Variants in HIBADH observed in about 807,000 individuals in gnomAD.
The protein encoded by HIBADH is 3-hydroxyisobutyrate dehydrogenase.
A neutral mutation model predicts 36.1 loss-of-function variants in HIBADH; 25 were observed. The ratio of observed to expected loss-of-function variants is 0.69; its 90% CI spans 0.50 to 0.97. The LOEUF (loss-of-function observed/expected upper bound fraction) is 0.97. Ranked by LOEUF, HIBADH falls within the 50% of genes least tolerant of loss-of-function variation. The pLI is 0.00. For synonymous variants in HIBADH, 160 were observed against 149.5 expected (o/e 1.07, Z -0.51); for missense variants, 421 against 418.0 (o/e 1.01, Z -0.06).
chr7:27,560,787 CAT>C (rs1784452815), intron 4 of HIBADH, among the ~76,000 whole-genome samples: 1 of 152,166 alleles, frequency 6.6e-6, no homozygotes, highest in African/African-American at 2.4e-5. Flanking sequence ...CTGCTATGAA[CAT>C]ATGTGCTTTC....
chr7:27,645,631 C>T (rs765926931), intron 2 of HIBADH, among the ~76,000 whole-genome samples: 4 of 152,002 alleles, frequency 2.6e-5, no homozygotes, highest in Admixed American at 6.5e-5. Context: ...ATCCACCTGC[C>T]TCGGCCTCCC....
At chr7:27,618,765 T>A (rs1785480794) in intron 4 of HIBADH, among the ~76,000 whole-genome samples, 1 of 152,172 alleles carries the variant, frequency 6.6e-6, no homozygotes, top group African/African-American at 2.4e-5. Context: ...AGCTTTTGGA[T>A]AACCCTCAGG....
At chr7:27,609,279 T>A (rs1410781798) in intron 4 of HIBADH, among the ~76,000 whole-genome samples, 2 of 152,160 alleles carry the variant, frequency 1.3e-5, no homozygotes, top group African/African-American at 4.8e-5. Flanking sequence ...TGTTAAGAAC[T>A]TAACACCTTA....
chr7:27,609,982 A>G (rs978995720), intron 4 of HIBADH, among the ~76,000 whole-genome samples: 1 of 151,850 alleles, frequency 6.6e-6, no homozygotes, highest in African/African-American at 2.4e-5. Context: ...ACACCCGGCT[A>G]ATTTTTATAT....
intron 5 of HIBADH, among the ~76,000 whole-genome samples, chr7:27,542,651 T>C (rs1323844769): frequency 6.6e-6 from 1 of 151,782 alleles, no homozygotes; most frequent in Non-Finnish European, 1.5e-5. Flanking sequence ...GGGGTCTTAC[T>C]ATGTTGCCCT....
At chr7:27,546,600 G>T (rs183839998) in intron 4 of HIBADH, among the ~76,000 whole-genome samples, 1 of 152,136 alleles carries the variant, frequency 6.6e-6, no homozygotes, top group African/African-American at 2.4e-5. Flanking sequence ...AGGTCAAGAA[G>T]AACTTTAGTG....
chr7:27,621,604 C>A (rs1163578200), intron 4 of HIBADH, among the ~76,000 whole-genome samples: 12 of 151,752 alleles, frequency 7.9e-5, no homozygotes, highest in Admixed American at 7.9e-4. Context: ...CCAGCCTGAC[C>A]AACACAGTGA....
intron 2 of HIBADH, among the ~76,000 whole-genome samples, chr7:27,639,220 A>C (rs1373824039): frequency 2.0e-5 from 3 of 152,204 alleles, no homozygotes; most frequent in Non-Finnish European, 2.9e-5. Context: ...TGAATAAAGA[A>C]AATGTGGTAC....
At chr7:27,586,385 A>AG (rs1562632112) in intron 4 of HIBADH, among the ~76,000 whole-genome samples, 2 of 140,948 alleles carry the variant, frequency 1.4e-5, no homozygotes, top group East Asian at 2.5e-4. Context: ...AAGGAAGGAA[A>AG]GAAGGAAGGA....
At chr7:27,623,541 A>T (rs2128293542) in intron 4 of HIBADH, among the ~76,000 whole-genome samples, 1 of 152,336 alleles carries the variant, frequency 6.6e-6, no homozygotes, top group East Asian at 1.9e-4. Context: ...TTGATAAATA[A>T]ATTCAGTAAA....
intron 4 of HIBADH, among the ~76,000 whole-genome samples, chr7:27,615,268 T>C (rs568071815): frequency 1.3e-5 from 2 of 152,176 alleles, no homozygotes; most frequent in South Asian, 4.1e-4. Context: ...AGGTGTGACA[T>C]AGTGTGGGAA....
At chr7:27,527,108 C>T (rs188684227) in intron 7 of HIBADH, among the ~76,000 whole-genome samples, 2 of 151,868 alleles carry the variant, frequency 1.3e-5, no homozygotes, top group African/African-American at 2.4e-5. Context: ...AGAGACAGAA[C>T]AAGAGGGAGA....
intron 4 of HIBADH, among the ~76,000 whole-genome samples, chr7:27,583,038 C>T (rs1461000977): frequency 1.3e-5 from 2 of 152,074 alleles, no homozygotes; most frequent in Non-Finnish European, 2.9e-5. Flanking sequence ...AGCTACCTTA[C>T]CTATCTTTAC....
intron 4 of HIBADH, among the ~76,000 whole-genome samples, chr7:27,597,918 C>G (rs1489761332): frequency 6.6e-6 from 1 of 152,314 alleles, no homozygotes; most frequent in Non-Finnish European, 1.5e-5. Flanking sequence ...AGACTCAGTT[C>G]AGGCTATAAA....
intron 6 of HIBADH, 76 bp downstream of exon 6, chr7:27,538,265 T>C (rs1784095094): frequency 9.1e-7 from 1 of 1,104,872 alleles, no homozygotes; most frequent in Non-Finnish European, 1.3e-6. Flanking sequence ...CTCATGAATA[T>C]CATTTTTTTA....
At chr7:27,554,187 T>C (rs7803464) in intron 4 of HIBADH, among the ~76,000 whole-genome samples, 17,024 of 152,248 alleles carry the variant, frequency 0.11, 1,100 homozygotes, top group Middle Eastern at 0.14. Flanking sequence ...GGTTTCACCA[T>C]GTTGGCCAGG....
At chr7:27,598,955 T>C (rs888323857) in intron 4 of HIBADH, among the ~76,000 whole-genome samples, 6 of 149,476 alleles carry the variant, frequency 4.0e-5, no homozygotes, top group African/African-American at 1.5e-4. Flanking sequence ...GAGTGAGCAC[T>C]GAAAAAAAAA....
chr7:27,536,514 A>G (rs906786809), intron 6 of HIBADH, among the ~76,000 whole-genome samples: 3 of 152,114 alleles, frequency 2.0e-5, no homozygotes, highest in African/African-American at 7.2e-5. Flanking sequence ...GGGAAACTCT[A>G]TTAATTGCTT....
chr7:27,647,673 CT>C, intron 2 of HIBADH: 1 of 388,590 alleles, frequency 2.6e-6, no homozygotes, highest in Non-Finnish European at 5.4e-6. Context: ...TCATACCTAC[CT>C]AAAATTAGCA....
Sources: allele counts gnomAD v4.1 joint callset (sites outside exome capture counted in the v4.1 genomes callset), GRCh38; gene constraint gnomAD v4.1.1; transcripts MANE v1.5; gene names NCBI Gene and HGNC (gene_info 2026-07-23, HGNC 2026-07-21).